Variants in FRAS1 observed in about 807,000 individuals in gnomAD.
FRAS1 encodes the protein Fraser extracellular matrix complex subunit 1, also known as extracellular matrix organizing protein FRAS1.
FRAS1 carries 290 observed loss-of-function variants against 435.2 expected under a neutral mutation model. That is an observed-to-expected ratio of 0.67 (90% CI 0.61 to 0.73). The LOEUF is 0.73. FRAS1 is among the 30% of genes least tolerant of loss of function. The pLI is 0.00. For missense variants in FRAS1, 4,860 were observed against 5,001.5 expected, an observed-to-expected ratio of 0.97 and a Z score of 0.85; for synonymous variants, 1,800 against 1,851.0, an observed-to-expected ratio of 0.97 and a Z score of 0.71.
rs770887503 is a variant in FRAS1 at position 78,489,005 on chromosome 4, C to T, written c.8883C>T (p.Ser2961=). 91 of 1,613,584 alleles carry T rather than the reference C, an allele frequency of 5.6e-5. No individual in the cohort carries two copies. Among genetic ancestry groups the T allele is most frequent in the Non-Finnish European group, 7.1e-5 (84 of 1,179,756 alleles). Residue 2961 remains serine (S), a synonymous_variant, in exon 59 of 74, where the codon TCC becomes TCT. Transcript: ENST00000512123. ...TGAGGTGCTATACTCAGAGCCATTC[C>T]GCTCAGGTCATGGAGGACTTTGAGG... The part of the protein sequence containing the change: ...SSVRCYTQSH[S]AQVMEDFEER...
intron 70 of FRAS1, among the ~76,000 whole-genome samples, chr4:78,532,147 G>T (rs1199007666): frequency 6.6e-6 from 1 of 152,144 alleles, no homozygotes; most frequent in African/African-American, 2.4e-5. Context: ...GGCTAAATGG[G>T]ATCTGGTCCC....
chr4:78,486,406 G>A (rs563562599), intron 58 of FRAS1, among the ~76,000 whole-genome samples: 1 of 152,282 alleles, frequency 6.6e-6, no homozygotes, highest in Admixed American at 6.5e-5. Flanking sequence ...ATTGTAGACT[G>A]GCCATGCACA....
rs531452150 is a variant in FRAS1 at position 78,289,409 on chromosome 4, C to G, written c.1534+2870C>G. ...CTCCATACCAGTCCCTGCTTCATTTCCCCTGCCTTTACAACTCCAGAGTTT... is the reference window on the plus strand; with the variant it reads ...CTCCATACCAGTCCCTGCTTCATTTGCCCTGCCTTTACAACTCCAGAGTTT... On this transcript the variant is annotated intron_variant, in intron 14 of 73. Transcript: ENST00000512123. Among the ~76,000 whole-genome samples, 3 of 152,308 alleles carry G rather than the reference C, an allele frequency of 2.0e-5. No homozygotes were observed. The South Asian group carries it at 6.2e-4, about 32-fold the overall frequency.
chr4:78,246,946 G>A (rs1040910046), intron 4 of FRAS1, among the ~76,000 whole-genome samples: 2 of 152,082 alleles, frequency 1.3e-5, no homozygotes, highest in African/African-American at 4.8e-5. Flanking sequence ...TATCTTTCCT[G>A]CCTCTCACTT....
intron 61 of FRAS1, among the ~76,000 whole-genome samples, chr4:78,505,991 C>A (rs1720827207): frequency 6.6e-6 from 1 of 152,190 alleles, no homozygotes; most frequent in Non-Finnish European, 1.5e-5. Flanking sequence ...TCAGATCCCT[C>A]AGCTGCAGGT....
intron 2 of FRAS1, among the ~76,000 whole-genome samples, chr4:78,146,096 A>C (rs1193093934): frequency 6.6e-6 from 1 of 152,146 alleles, no homozygotes; most frequent in Non-Finnish European, 1.5e-5. Flanking sequence ...AAGTACCCAG[A>C]ACCCGAACAT....
intron 2 of FRAS1, among the ~76,000 whole-genome samples, chr4:78,126,625 T>C (rs1195616907): frequency 6.6e-6 from 1 of 152,228 alleles, no homozygotes; most frequent in East Asian, 1.9e-4. Flanking sequence ...CTTGGTTTTG[T>C]CTATGAGTGC....
chr4:78,538,427 C>T (rs923181677), intron 72 of FRAS1, among the ~76,000 whole-genome samples: 10 of 152,186 alleles, frequency 6.6e-5, no homozygotes, highest in Non-Finnish European at 1.3e-4. Context: ...AAAGCCACCA[C>T]ATGTCCTTTT....
At chr4:78,196,453 G>A (rs1053453520) in intron 2 of FRAS1, among the ~76,000 whole-genome samples, 2 of 152,098 alleles carry the variant, frequency 1.3e-5, no homozygotes, top group East Asian at 1.9e-4. Context: ...ATGCTAATTT[G>A]TTCTTAAGTC....
chr4:78,333,082 C>T (rs1165985593), intron 18 of FRAS1, among the ~76,000 whole-genome samples, 190 bp from the exon 19 acceptor site: 5 of 152,134 alleles, frequency 3.3e-5, no homozygotes. Flanking sequence ...AATCTGAGTT[C>T]CACAAATGCT....
chr4:78,359,882 T>C (rs925527571), intron 20 of FRAS1, among the ~76,000 whole-genome samples: 6 of 152,168 alleles, frequency 3.9e-5, no homozygotes, highest in Non-Finnish European at 5.9e-5. Flanking sequence ...CAGTATATGT[T>C]TGGGGACTGA....
chr4:78,415,377 T>TA (rs1419316595), intron 32 of FRAS1, among the ~76,000 whole-genome samples: 1 of 151,964 alleles, frequency 6.6e-6, no homozygotes, highest in South Asian at 2.1e-4. Context: ...AATAAAAAAT[T>TA]AAAAAAATTA....
At chr4:78,168,768 A>G (rs1721438467) in intron 2 of FRAS1, among the ~76,000 whole-genome samples, 2 of 152,100 alleles carry the variant, frequency 1.3e-5, no homozygotes, top group Non-Finnish European at 2.9e-5. Context: ...TAAACATTCT[A>G]TCAGTTGCTT....
At chr4:78,540,017 T>C (rs1042320619) in intron 73 of FRAS1, among the ~76,000 whole-genome samples, 7 of 152,226 alleles carry the variant, frequency 4.6e-5, no homozygotes, top group African/African-American at 1.7e-4. Flanking sequence ...AAATACTTGA[T>C]GATATAGCCT....
intron 9 of FRAS1, among the ~76,000 whole-genome samples, chr4:78,275,853 T>A (rs1183489319): frequency 6.6e-6 from 1 of 152,210 alleles, no homozygotes; most frequent in East Asian, 1.9e-4. Flanking sequence ...TCAATTTGAA[T>A]GTTGGCCTGC....
chr4:78,209,152 CA>C (rs370469380), intron 2 of FRAS1, among the ~76,000 whole-genome samples: 11 of 142,090 alleles, frequency 7.7e-5, no homozygotes, highest in Non-Finnish European at 9.3e-5. Flanking sequence ...GTAAAAAAAA[CA>C]AAAAAAAAAC....
chr4:78,521,471 T>G (rs1560424708), intron 67 of FRAS1, 52 bp from the exon 68 acceptor site: 2 of 1,264,960 alleles, frequency 1.6e-6, no homozygotes, highest in East Asian at 4.7e-5. Context: ...GTGGTTGCTG[T>G]CAGGGAGGAA....
At chr4:78,425,203 G>T (rs1040133842) in intron 35 of FRAS1, among the ~76,000 whole-genome samples, 22 of 152,062 alleles carry the variant, frequency 1.4e-4, no homozygotes, top group Admixed American at 1.3e-3. Flanking sequence ...AACAGTAGTT[G>T]TATAAAAGTC....
At chr4:78,082,176 C>T (rs1351751581) in intron 2 of FRAS1, among the ~76,000 whole-genome samples, 1 of 152,068 alleles carries the variant, frequency 6.6e-6, no homozygotes, top group African/African-American at 2.4e-5. Context: ...AATACTATAG[C>T]AATTTGATTC....
Sources: gnomAD v4.1 joint callset for allele counts (sites outside exome capture counted in the v4.1 genomes callset) on GRCh38, gnomAD v4.1.1 for gene constraint, MANE v1.5 for transcripts, NCBI Gene and HGNC (gene_info 2026-07-23, HGNC 2026-07-21) for gene names.